Variants in RGS7 observed in about 807,000 individuals in gnomAD.
The protein encoded by RGS7 is regulator of G-protein signaling 7.
In RGS7, 27 loss-of-function variants were observed where a neutral mutation model predicts 81.1. The observed-to-expected ratio is 0.33, with a 90% CI of 0.25 to 0.46. The LOEUF (loss-of-function observed/expected upper bound fraction) is 0.46, where lower values mean the gene tolerates loss of function less well. RGS7 is among the 20% of genes least tolerant of loss of function. RGS7 has a pLI of 1.00. For synonymous variants in RGS7, 208 were observed against 207.7 expected (o/e 1.00, Z -0.01); for missense variants, 396 against 607.4 (o/e 0.65, Z 3.66).
At chr1:241,083,849 T>C (rs1192566901) in intron 3 of RGS7, among the ~76,000 whole-genome samples, 1 of 152,196 alleles carries the variant, frequency 6.6e-6, no homozygotes, top group Admixed American at 6.5e-5. Flanking sequence ...TTAATTTCTA[T>C]AGAACCCATT....
rs1461920030 is a variant in RGS7, at chr1:240,793,607, A to ATT, written c.*6+7033_*6+7034insAA. On this transcript the variant is annotated intron_variant, in intron 18 of 18. Transcript: ENST00000440928. The stretch of plus-strand genomic sequence containing the variant: ...TAGGAATATATATATATATATATAT[A>ATT]TATATTTTTTTTTTTTTTTTGAGAC... 2.8e-3 allele frequency among the ~76,000 whole-genome samples: 94 copies of ATT among 33,824 alleles called. 1 individual carries two copies. The highest frequency in any genetic ancestry group is 0.013 in the Middle Eastern group (1 of 78). The allele number at this position is 33,824 out of a possible 152,430, so 22.2% of individuals were successfully genotyped here. A position where few individuals can be genotyped will look rare whatever the true frequency, so the allele number is the denominator to read the frequency against.
rs146547889 is a variant in RGS7 at position 240,871,459 on chromosome 1, C to T, written c.386-1340G>A. Among the ~76,000 whole-genome samples the T allele has an allele frequency of 9.9e-5, 15 of 152,252 alleles. No homozygotes were observed. In the East Asian group the frequency reaches 2.7e-3, roughly 27 times the overall value. On this transcript the variant is annotated intron_variant, in intron 6 of 18. Coordinates refer to ENST00000440928, the MANE Select transcript of RGS7 (RefSeq NM_001364886.1). Reference sequence around the variant, plus strand: ...AAGGTTTCCTGTATGAAAGTCAAGACGAAGGAGAGAGCCAACCACAGAATG... The same window carrying T: ...AAGGTTTCCTGTATGAAAGTCAAGATGAAGGAGAGAGCCAACCACAGAATG...
chr1:240,833,154 G>C (rs1218630032), intron 9 of RGS7, among the ~76,000 whole-genome samples: 1 of 152,062 alleles, frequency 6.6e-6, no homozygotes, highest in African/African-American at 2.4e-5. Flanking sequence ...GTAAAGTAAG[G>C]GTGACTCGAA....
chr1:241,158,892 T>C (rs565978905), intron 2 of RGS7, among the ~76,000 whole-genome samples: 7 of 152,186 alleles, frequency 4.6e-5, no homozygotes, highest in African/African-American at 1.7e-4. Context: ...GGTTTTCATA[T>C]GCACTGAAAA....
At chr1:241,192,079 C>T (rs1249170581) in intron 2 of RGS7, among the ~76,000 whole-genome samples, 3 of 151,532 alleles carry the variant, frequency 2.0e-5, no homozygotes, top group Non-Finnish European at 2.9e-5. Context: ...TGGTGTTTGG[C>T]TGGAATAGAA....
chr1:241,307,006 A>T (rs1269579231), intron 2 of RGS7, among the ~76,000 whole-genome samples: 3 of 152,242 alleles, frequency 2.0e-5, no homozygotes, highest in Non-Finnish European at 4.4e-5. Flanking sequence ...AAGTACTTGC[A>T]GGCAAATCAG....
intron 18 of RGS7, among the ~76,000 whole-genome samples, chr1:240,790,998 T>C (rs1685896616): frequency 6.6e-6 from 1 of 152,254 alleles, no homozygotes; most frequent in African/African-American, 2.4e-5. Flanking sequence ...TTTTTCTCCT[T>C]TGTAGTAACT....
At chr1:241,061,817 C>T (rs2061753465) in intron 3 of RGS7, among the ~76,000 whole-genome samples, 1 of 152,156 alleles carries the variant, frequency 6.6e-6, no homozygotes, top group Admixed American at 6.5e-5. Flanking sequence ...CTAGCCTAGA[C>T]CATCATCTGT....
intron 3 of RGS7, among the ~76,000 whole-genome samples, chr1:241,089,233 C>G (rs2063715810): frequency 6.7e-6 from 1 of 150,374 alleles, no homozygotes. Flanking sequence ...ACCTCTATAG[C>G]TAGAATCAAG....
chr1:241,344,104 G>T (rs1206998762), intron 2 of RGS7, among the ~76,000 whole-genome samples: 4 of 152,074 alleles, frequency 2.6e-5, no homozygotes, highest in Non-Finnish European at 5.9e-5. Flanking sequence ...ATAATCAACT[G>T]GGGCATAGAG....
intron 2 of RGS7, among the ~76,000 whole-genome samples, chr1:241,136,798 T>C (rs1364320696): frequency 6.6e-6 from 1 of 152,236 alleles, no homozygotes; most frequent in Non-Finnish European, 1.5e-5. Context: ...CATATTATTC[T>C]TGCTTAGTGT....
intron 2 of RGS7, among the ~76,000 whole-genome samples, chr1:241,133,707 A>T (rs1225208582): frequency 6.6e-6 from 1 of 152,212 alleles, no homozygotes; most frequent in African/African-American, 2.4e-5. Flanking sequence ...AGTAGCAACA[A>T]GCAAATTTAG....
At chr1:241,289,446 C>T (rs1017786110) in intron 2 of RGS7, among the ~76,000 whole-genome samples, 5 of 152,122 alleles carry the variant, frequency 3.3e-5, no homozygotes, top group East Asian at 1.9e-4. Context: ...CATGCTTCTC[C>T]GATAGTGCTC....
At chr1:241,089,334 A>ACG (rs1241258634) in intron 3 of RGS7, among the ~76,000 whole-genome samples, 4 of 150,960 alleles carry the variant, frequency 2.6e-5, no homozygotes, top group East Asian at 2.0e-4. Context: ...GGATCAGCAC[A>ACG]CCACCAAAAA....
chr1:241,124,601 G>A (rs1003859205), intron 2 of RGS7, among the ~76,000 whole-genome samples: 2 of 152,164 alleles, frequency 1.3e-5, no homozygotes, highest in African/African-American at 4.8e-5. Context: ...TTAAAACTGT[G>A]GAGGCATTAG....
intron 3 of RGS7, among the ~76,000 whole-genome samples, chr1:241,053,603 G>C (rs1055290812): frequency 5.9e-5 from 9 of 152,104 alleles, no homozygotes; most frequent in Non-Finnish European, 1.3e-4. Flanking sequence ...TTAGCAATAA[G>C]GTGCTCACTA....
chr1:241,228,445 T>C (rs1342269765), intron 2 of RGS7, among the ~76,000 whole-genome samples: 1 of 151,910 alleles, frequency 6.6e-6, no homozygotes, highest in Non-Finnish European at 1.5e-5. Flanking sequence ...ATGACTGAAA[T>C]AAATGTTATA....
intron 2 of RGS7, among the ~76,000 whole-genome samples, chr1:241,342,684 T>C (rs2082634458): frequency 6.6e-6 from 1 of 152,192 alleles, no homozygotes; most frequent in Non-Finnish European, 1.5e-5. Flanking sequence ...CCAAAGCCCT[T>C]CCTAAAGTGC....
intron 2 of RGS7, among the ~76,000 whole-genome samples, chr1:241,251,995 C>T (rs2076853149): frequency 6.6e-6 from 1 of 151,910 alleles, no homozygotes; most frequent in Admixed American, 6.6e-5. Flanking sequence ...TATAGTCCCT[C>T]ATAAGCAGAG....
Sources: allele counts gnomAD v4.1 joint callset (sites outside exome capture counted in the v4.1 genomes callset), GRCh38; gene constraint gnomAD v4.1.1; transcripts MANE v1.5; gene names NCBI Gene and HGNC (gene_info 2026-07-23, HGNC 2026-07-21).